MARK2: variants seen among roughly 807,000 people sequenced by gnomAD.
MARK2 encodes microtubule affinity regulating kinase 2.
Under a neutral mutation model 89.8 loss-of-function variants are expected in MARK2, and 16 were observed. The observed-to-expected ratio is 0.18, with a 90% confidence interval of 0.12 to 0.27. The LOEUF is 0.27. Among genes scored for constraint, MARK2 ranks in the 10% least tolerant of loss-of-function variants. The pLI is 1.00. For missense variants in MARK2, 621 were observed against 1,049.9 expected (o/e 0.59, Z 5.65); for synonymous variants, 382 against 399.5 (o/e 0.96, Z 0.52).
chr11:63,876,589 A>G (rs1360456034), intron 1 of MARK2, among the ~76,000 whole-genome samples: 1 of 152,212 alleles, frequency 6.6e-6, no homozygotes, highest in Admixed American at 6.5e-5. Flanking sequence ...GCTAAATTCT[A>G]CTGATGAGAG....
At position 63,895,102 on chromosome 11, in the gene MARK2, A is replaced by G. The variant is rs565464881; in HGVS notation, c.55-57A>G. The G allele has an allele frequency of 5.6e-5, 83 of 1,472,186 alleles. 1 individual carries two copies. The African/African-American group carries it at 9.7e-4, about 17-fold the overall frequency. 91.2% of individuals were successfully genotyped at this position (1,472,186 alleles called of 1,614,324 possible). ...CTCATCCCTTATATATTTTGCAGAG[A>G]GCGTTTAGAGGACTGGAAGTGTGGC... On this transcript the variant is annotated intron_variant, in intron 1 of 18. Transcript: ENST00000402010.
At chr11:63,897,924 C>G (rs866451873) in intron 3 of MARK2, among the ~76,000 whole-genome samples, 8 of 152,170 alleles carry the variant, frequency 5.3e-5, no homozygotes, top group African/African-American at 1.9e-4. Flanking sequence ...GCTCACACTC[C>G]CTCCAGTAGA....
intron 3 of MARK2, 37 bp downstream of exon 3, chr11:63,895,670 T>TGAG: frequency 6.1e-6 from 2 of 329,954 alleles, no homozygotes; most frequent in Non-Finnish European, 8.9e-6. Flanking sequence ...TTTTTTTTTT[T>TGAG]TTTTTTTTTT....
chr11:63,870,128 C>G (rs1162328367), intron 1 of MARK2, among the ~76,000 whole-genome samples: 1 of 152,154 alleles, frequency 6.6e-6, no homozygotes, highest in Non-Finnish European at 1.5e-5. Flanking sequence ...TGGGAAAGGA[C>G]AAGTGGAAGG....
At position 63,900,709 on chromosome 11, in the gene MARK2, C is replaced by A; in HGVS notation, c.888+31C>A. The A allele has an allele frequency of 6.2e-7, 1 of 1,613,694 alleles. No individual in the cohort carries two copies. On this transcript the variant is annotated intron_variant, in intron 9 of 18. Coordinates refer to ENST00000402010, the MANE Select transcript of MARK2 (RefSeq NM_001039469.3). This position sits in a 1 kb window ranked among gnomAD's most constrained non-coding sequence, Gnocchi z 4.7. The stretch of plus-strand genomic sequence containing the variant: ...CAGTGGAGCCCAACTGGCGGAAGGG[C>A]CTGGGGTCCCCACAGAAACTTTCCA...
rs1438880949 is a variant in MARK2 at position 63,900,765 on chromosome 11, C to G, written c.889-15C>G. 3.7e-6 allele frequency: 6 copies of G among 1,613,900 alleles called. No individual in the cohort carries two copies. Among genetic ancestry groups the G allele is most frequent in the South Asian group, 1.1e-5 (1 of 91,072 alleles). ...GTTTCTTCCCCCTGCCCTTTTCCTT[C>G]TCTGTGCTCCCCAGCAAATCATGAA... On this transcript the variant is annotated splice_polypyrimidine_tract_variant and intron_variant, in intron 9 of 18. Coordinates refer to ENST00000402010, the MANE Select transcript of MARK2 (RefSeq NM_001039469.3). This position sits in a 1 kb window ranked among gnomAD's most constrained non-coding sequence, Gnocchi z 4.7.
intron 1 of MARK2, among the ~76,000 whole-genome samples, chr11:63,851,023 G>A (rs568599968): frequency 3.3e-5 from 5 of 152,254 alleles, no homozygotes; most frequent in South Asian, 2.1e-4. Flanking sequence ...TAAAGACCAC[G>A]TGGGAACTCA....
At chr11:63,881,559 G>A (rs1187499620) in intron 1 of MARK2, among the ~76,000 whole-genome samples, 1 of 152,172 alleles carries the variant, frequency 6.6e-6, no homozygotes, top group Non-Finnish European at 1.5e-5. Context: ...CTAGGTGTGG[G>A]CACTGTTGGG....
chr11:63,856,600 A>G (rs2016863193), intron 1 of MARK2, among the ~76,000 whole-genome samples: 1 of 150,168 alleles, frequency 6.7e-6, no homozygotes, highest in Non-Finnish European at 1.5e-5. Context: ...ATTTTTGTAT[A>G]TTTAGTAGAG....
intron 1 of MARK2, among the ~76,000 whole-genome samples, chr11:63,865,651 G>A (rs989341313): frequency 5.3e-5 from 8 of 152,182 alleles, no homozygotes; most frequent in African/African-American, 1.7e-4. Context: ...TTCTGTACTT[G>A]TATTCCCAGG....
intron 1 of MARK2, among the ~76,000 whole-genome samples, chr11:63,855,385 A>C (rs1187210621): frequency 6.6e-6 from 1 of 152,146 alleles, no homozygotes; most frequent in Non-Finnish European, 1.5e-5. Flanking sequence ...TTAGCTAAGC[A>C]TGGTGATATG....
rs1939564684 is a variant in MARK2 at position 63,888,669 on chromosome 11, CCT to C, written c.55-6489_55-6488del. 2.0e-5 allele frequency: 24 copies of C among 1,177,180 alleles called. No homozygotes were observed. In the South Asian group the frequency reaches 3.7e-4, roughly 18 times the overall value. 72.9% of individuals were successfully genotyped at this position (1,177,180 alleles called of 1,614,324 possible). A position where few individuals can be genotyped will look rare whatever the true frequency, so the allele number is the denominator to read the frequency against. ...CTTGAGAAGCCAGCGGGGCTTTGTC[CCT>C]GTTGCTCTCCTTGCCAAACCCAGTC... On this transcript the variant is annotated intron_variant, in intron 1 of 18. Coordinates refer to ENST00000402010, the MANE Select transcript of MARK2 (RefSeq NM_001039469.3).
Position 63,891,624 on chromosome 11 carries a change from C to T in MARK2, c.55-3535C>T, listed in dbSNP as rs1590650473. Among the ~76,000 whole-genome samples the T allele has an allele frequency of 2.0e-5, 3 of 152,356 alleles. No individual in the cohort carries two copies. The South Asian group carries it at 6.2e-4, about 32-fold the overall frequency. On this transcript the variant is annotated intron_variant, in intron 1 of 18. Transcript: ENST00000402010. ...AACTTAGAGACCGTCACACTTCCTG[C>T]TGCCTTGGGCTTATATCCTCGGAGA...
chr11:63,885,053 A>G (rs1022611870), intron 1 of MARK2, among the ~76,000 whole-genome samples: 1 of 152,130 alleles, frequency 6.6e-6, no homozygotes, highest in Admixed American at 6.5e-5. Context: ...AAATACAAAA[A>G]TTAGCCGGGC....
intron 1 of MARK2, among the ~76,000 whole-genome samples, chr11:63,861,218 G>A (rs1441460827): frequency 2.0e-5 from 3 of 152,092 alleles, no homozygotes; most frequent in South Asian, 4.1e-4. Context: ...GGCGGATCAC[G>A]AGGTCAGGAG....
At position 63,904,730 on chromosome 11, in the gene MARK2, T is replaced by G. The variant is rs1941186345; in HGVS notation, c.1677-56T>G. 7.1e-6 allele frequency: 11 copies of G among 1,559,030 alleles called. No individual in the cohort carries two copies. In the Admixed American group the frequency reaches 1.9e-4, roughly 26 times the overall value. Reference sequence around the variant, plus strand: ...CACCACAGGGTGTCCAGGTGCCCAGTGATGGCTGTCCTGTACCCTAATTCG... The same window carrying G: ...CACCACAGGGTGTCCAGGTGCCCAGGGATGGCTGTCCTGTACCCTAATTCG... On this transcript the variant is annotated intron_variant, in intron 15 of 18. Coordinates refer to ENST00000402010, the MANE Select transcript of MARK2 (RefSeq NM_001039469.3). The surrounding 1 kb of genome is among the most constrained non-coding windows in gnomAD (Gnocchi z 6.3).
rs372806076 is a variant in MARK2 at position 63,906,065 on chromosome 11, C to CT, written c.1935-15dup. 2.9e-3 allele frequency: 3,851 copies of CT among 1,333,070 alleles called. 8 individuals are homozygous for CT. The highest frequency in any genetic ancestry group is 5.7e-3 in the African/African-American group (380 of 66,142). 82.6% of individuals were successfully genotyped at this position (1,333,070 alleles called of 1,614,324 possible). ...TTTTTTATTTCTTTTTTTATTTTGT[C>CT]TTTTTTTTGTTTGTTTTTTTAGAAA... On this transcript the variant is annotated intron_variant, in intron 16 of 18. Transcript: ENST00000402010.
At chr11:63,854,402 A>C (rs2016738251) in intron 1 of MARK2, among the ~76,000 whole-genome samples, 2 of 122,342 alleles carry the variant, frequency 1.6e-5, no homozygotes, top group South Asian at 5.3e-4. Flanking sequence ...TTTTTGGTAG[A>C]GACAGGGTTT....
At chr11:63,890,652 G>T (rs577157219) in intron 1 of MARK2, among the ~76,000 whole-genome samples, 8 of 152,334 alleles carry the variant, frequency 5.3e-5, no homozygotes, top group African/African-American at 1.9e-4. Context: ...AGCATCTCTT[G>T]TCAGCCTTCA....
Sources: allele counts gnomAD v4.1 joint callset (sites outside exome capture counted in the v4.1 genomes callset), GRCh38; gene constraint gnomAD v4.1.1; non-coding constraint Gnocchi (gnomAD v3.1); transcripts MANE v1.5; gene names NCBI Gene and HGNC (gene_info 2026-07-23, HGNC 2026-07-21).